Variants in ATG10 observed in about 807,000 individuals in gnomAD.
ATG10 encodes the protein autophagy related 10.
ATG10 carries 30 observed loss-of-function variants against 32.1 expected under a neutral mutation model. The observed-to-expected ratio is 0.94, with a 90% CI of 0.70 to 1.27. The LOEUF (loss-of-function observed/expected upper bound fraction) is 1.27. Among genes scored for constraint, ATG10 ranks in the 50% most tolerant of loss-of-function variants. ATG10 has a pLI of 0.00. For synonymous variants in ATG10, 87 were observed against 91.5 expected (o/e 0.95, Z 0.28); for missense variants, 233 against 262.3 (o/e 0.89, Z 0.77).
chr5:82,229,470 C>T (rs1399478703), intron 5 of ATG10, among the ~76,000 whole-genome samples: 1 of 152,088 alleles, frequency 6.6e-6, no homozygotes, highest in Non-Finnish European at 1.5e-5. Context: ...GTTTGGATGC[C>T]ACTTTCTTAT....
At chr5:82,220,400 C>A (rs1745867359) in intron 5 of ATG10, among the ~76,000 whole-genome samples, 1 of 151,366 alleles carries the variant, frequency 6.6e-6, no homozygotes, top group African/African-American at 2.4e-5. Context: ...GTAGCTGGGA[C>A]TACAGGCACC....
At chr5:82,006,812 C>T in intron 2 of ATG10, among the ~76,000 whole-genome samples, 1 of 152,218 alleles carries the variant, frequency 6.6e-6, no homozygotes, top group African/African-American at 2.4e-5. Context: ...AATTTGATTA[C>T]TCTAGTTATC....
intron 1 of ATG10, among the ~76,000 whole-genome samples, chr5:81,983,048 C>T (rs888489730): frequency 6.6e-6 from 1 of 152,222 alleles, no homozygotes; most frequent in African/African-American, 2.4e-5. Context: ...CATCATGGCC[C>T]ATTCTCAATG....
At chr5:82,170,743 C>T (rs1432464100) in intron 4 of ATG10, among the ~76,000 whole-genome samples, 5 of 151,818 alleles carry the variant, frequency 3.3e-5, no homozygotes, top group African/African-American at 9.7e-5. Context: ...GTCAAGAGTT[C>T]GAGACCAGCC....
intron 5 of ATG10, among the ~76,000 whole-genome samples, chr5:82,234,092 T>C (rs1016739544): frequency 4.6e-5 from 7 of 152,130 alleles, no homozygotes; most frequent in Non-Finnish European, 1.0e-4. Flanking sequence ...TTTAGTAAGA[T>C]TTGTTTGTGC....
At chr5:82,133,848 A>G (rs556941220) in intron 3 of ATG10, among the ~76,000 whole-genome samples, 3 of 152,252 alleles carry the variant, frequency 2.0e-5, no homozygotes, top group South Asian at 4.2e-4. Context: ...CTAACTATCC[A>G]TGAGCATGGA....
At chr5:81,992,005 A>G (rs1309406573) in intron 2 of ATG10, 1 of 151,734 alleles carries the variant, frequency 6.6e-6, no homozygotes, top group Non-Finnish European at 1.5e-5. Flanking sequence ...TTTTTTTTTA[A>G]ATCGAGACAG....
chr5:82,097,455 CT>C (rs2149799054), intron 3 of ATG10, among the ~76,000 whole-genome samples: 1 of 152,234 alleles, frequency 6.6e-6, no homozygotes, highest in East Asian at 1.9e-4. Context: ...TCAAAGAAGT[CT>C]CAGGAGAAGT....
intron 3 of ATG10, among the ~76,000 whole-genome samples, chr5:82,062,028 C>G (rs1763798712): frequency 6.6e-6 from 1 of 151,632 alleles, no homozygotes; most frequent in Non-Finnish European, 1.5e-5. Context: ...GTGGATCTTG[C>G]TCTGTTGCCC....
At chr5:82,039,462 A>G (rs1763021954) in intron 2 of ATG10, among the ~76,000 whole-genome samples, 1 of 152,154 alleles carries the variant, frequency 6.6e-6, no homozygotes, top group African/African-American at 2.4e-5. Flanking sequence ...ACTATAAGAA[A>G]ATAGAAATGA....
At chr5:82,068,258 C>T (rs142101384) in intron 3 of ATG10, among the ~76,000 whole-genome samples, 11 of 152,042 alleles carry the variant, frequency 7.2e-5, no homozygotes, top group East Asian at 3.9e-4. Flanking sequence ...GGGACACGGA[C>T]GAAGCTGGAA....
intron 5 of ATG10, among the ~76,000 whole-genome samples, chr5:82,250,274 T>G (rs1274268693): frequency 2.0e-5 from 3 of 152,186 alleles, no homozygotes; most frequent in Non-Finnish European, 4.4e-5. Context: ...TCTGCATGGT[T>G]GTTTTTTTCC....
intron 3 of ATG10, among the ~76,000 whole-genome samples, chr5:82,139,340 C>G (rs1384757282): frequency 6.7e-6 from 1 of 150,022 alleles, no homozygotes; most frequent in Non-Finnish European, 1.5e-5. Flanking sequence ...GCCTGGCTGC[C>G]CAGTCTGGAA....
At chr5:82,250,798 G>C (rs944137393) in intron 5 of ATG10, among the ~76,000 whole-genome samples, 2 of 152,222 alleles carry the variant, frequency 1.3e-5, no homozygotes, top group Non-Finnish European at 2.9e-5. Context: ...ACTATAGCTA[G>C]AAGTATTCTG....
chr5:82,206,549 C>T (rs1745307940), intron 5 of ATG10, among the ~76,000 whole-genome samples: 1 of 151,594 alleles, frequency 6.6e-6, no homozygotes, highest in Non-Finnish European at 1.5e-5. Context: ...ACTAGGGAGG[C>T]TGAGGCAGGA....
At chr5:82,095,633 G>T (rs1765032013) in intron 3 of ATG10, among the ~76,000 whole-genome samples, 1 of 151,968 alleles carries the variant, frequency 6.6e-6, no homozygotes, top group South Asian at 2.1e-4. Flanking sequence ...ACCGGGAGTG[G>T]TGTGTATACT....
intron 2 of ATG10, among the ~76,000 whole-genome samples, chr5:82,024,503 A>AT (rs1272796977): frequency 6.6e-6 from 1 of 152,122 alleles, no homozygotes; most frequent in Admixed American, 6.6e-5. Flanking sequence ...TTTTAATTTC[A>AT]TTTTTTTCTA....
intron 5 of ATG10, among the ~76,000 whole-genome samples, chr5:82,218,808 C>T (rs1165615853): frequency 3.9e-5 from 6 of 152,120 alleles, no homozygotes; most frequent in South Asian, 2.1e-4. Flanking sequence ...GTTGTTGAGG[C>T]GCACCTAACC....
intron 2 of ATG10, among the ~76,000 whole-genome samples, chr5:81,996,540 A>G (rs1251792012): frequency 6.6e-6 from 1 of 152,170 alleles, no homozygotes; most frequent in Admixed American, 6.5e-5. Context: ...GTGCCTGGCT[A>G]TGCCTAGTTG....
Sources: allele counts gnomAD v4.1 joint callset (sites outside exome capture counted in the v4.1 genomes callset), GRCh38; gene constraint gnomAD v4.1.1; transcripts MANE v1.5; gene names NCBI Gene and HGNC (gene_info 2026-07-23, HGNC 2026-07-21).